The following EFHC2 variants were observed in gnomAD, a reference collection of about 807,000 sequenced individuals.
EFHC2 encodes EF-hand domain-containing family member C2.
Under a neutral mutation model 52.7 loss-of-function variants are expected in EFHC2, and 18 were observed. That is an observed-to-expected ratio of 0.34 (90% CI 0.24 to 0.51). EFHC2 has a LOEUF of 0.51. Among genes scored for constraint, EFHC2 ranks in the 20% least tolerant of loss-of-function variants. The pLI is 0.97. For missense variants in EFHC2, 513 were observed against 562.5 expected (o/e 0.91, Z 0.89); for synonymous variants, 203 against 204.1 (o/e 0.99, Z 0.04).
intron 1 of EFHC2, among the ~76,000 whole-genome samples, chrX:44,328,321 A>G (rs1402571616): frequency 3.6e-5 from 4 of 111,661 alleles, no homozygotes; most frequent in Non-Finnish European, 7.5e-5. Flanking sequence ...CTTGAAATGT[A>G]TATATGATCC....
At chrX:44,220,098 C>T (rs980516237) in intron 11 of EFHC2, among the ~76,000 whole-genome samples, 2 of 111,852 alleles carry the variant, frequency 1.8e-5, no homozygotes, top group Non-Finnish European at 3.8e-5. Context: ...CCACTAATAG[C>T]TTCGTGTGTA....
At chrX:44,286,867 C>T (rs1161986060) in intron 2 of EFHC2, among the ~76,000 whole-genome samples, 22 of 98,794 alleles carry the variant, frequency 2.2e-4, no homozygotes, top group Admixed American at 8.9e-4. Flanking sequence ...AAAATAAAAA[C>T]AACAAAACAA....
Position 44,336,954 on chromosome X carries a change from C to A in EFHC2, c.42+6593G>T, listed in dbSNP as rs1024882523. Among the ~76,000 whole-genome samples the A allele has an allele frequency of 2.7e-5, 3 of 111,651 alleles. No individual in the cohort carries two copies. The East Asian group carries it at 8.4e-4, about 31-fold the overall frequency. On this transcript the variant is annotated intron_variant, in intron 1 of 14. Coordinates refer to ENST00000420999, the MANE Select transcript of EFHC2 (RefSeq NM_025184.4). ...CAGTAAAAGAACCTAATTTTTAAGT[C>A]TTGTATAAAATTATATCTTAGGTTA...
intron 4 of EFHC2, 150 bp from the exon 5 acceptor site, chrX:44,250,595 C>T (rs1355924004): frequency 8.0e-6 from 5 of 623,193 alleles, no homozygotes; most frequent in South Asian, 6.3e-5. Context: ...GAGGCCAAGG[C>T]GGGAAGACTG....
At chrX:44,223,509 T>A (rs983504837) in intron 11 of EFHC2, among the ~76,000 whole-genome samples, 9 of 110,522 alleles carry the variant, frequency 8.1e-5, no homozygotes, top group East Asian at 2.8e-4. Context: ...AAATTCCTTT[T>A]TTTTTTGCTT....
In EFHC2 at chrX:44,176,351, C is replaced by A. The variant is rs765018227; in HGVS notation, c.1983G>T (p.Arg661Ser). 1.7e-6 allele frequency: 2 copies of A among 1,196,213 alleles called. No homozygotes were observed. Among genetic ancestry groups the A allele is most frequent in the Admixed American group, 2.3e-5 (1 of 43,612 alleles). The part of the protein sequence containing the change: ...KNVLPTKDIK[R>S]LCKSSRLPLS... ...AAGGTAATCTGGAGGATTTGCACAG[C>A]CTTTTAATGTCTTTGGTGGGTAATA... Residue 661 changes from arginine to serine, a missense_variant, in exon 13 of 15, where the codon AGG (arginine) becomes AGT (serine). Coordinates refer to ENST00000420999, the MANE Select transcript of EFHC2 (RefSeq NM_025184.4).
rs188954870 is a variant in EFHC2, at chrX:44,326,819, C to T, written c.43-14063G>A. Among the ~76,000 whole-genome samples the T allele has an allele frequency of 6.9e-4, 72 of 104,454 alleles. No homozygotes were observed. The Middle Eastern group carries it at 0.015, about 22-fold the overall frequency. The allele number at this position is 104,454 out of a possible 115,157, so 90.7% of individuals were successfully genotyped here. A position where few individuals can be genotyped will look rare whatever the true frequency, so the allele number is the denominator to read the frequency against. On this transcript the variant is annotated intron_variant, in intron 1 of 14. Transcript: ENST00000420999. The stretch of plus-strand genomic sequence containing the variant: ...TCATGGCTCACTGCAGCCTCAACCT[C>T]CTGGGCTCAAGCGATCCTCCCACCT...
intron 3 of EFHC2, among the ~76,000 whole-genome samples, chrX:44,261,857 A>C (rs1347173999): frequency 9.1e-6 from 1 of 109,473 alleles, no homozygotes; most frequent in African/African-American, 3.3e-5. Context: ...GCTGCTGTGA[A>C]GTTTCATGGA....
intron 4 of EFHC2, among the ~76,000 whole-genome samples, chrX:44,257,789 C>T (rs911630809): frequency 3.6e-5 from 4 of 111,889 alleles, no homozygotes; most frequent in Admixed American, 9.5e-5. Context: ...AACTACTTTA[C>T]ATTTTATATA....
intron 2 of EFHC2, among the ~76,000 whole-genome samples, chrX:44,292,223 CAG>C (rs1304049628): frequency 2.1e-4 from 23 of 110,960 alleles, no homozygotes; most frequent in African/African-American, 7.5e-4. Flanking sequence ...CACACACACA[CAG>C]AAACACATAT....
At chrX:44,196,862 G>C (rs755539643) in intron 11 of EFHC2, among the ~76,000 whole-genome samples, 6 of 112,478 alleles carry the variant, frequency 5.3e-5, no homozygotes, top group Non-Finnish European at 1.1e-4. Context: ...TGATGAACCT[G>C]AAGCATTAGA....
intron 2 of EFHC2, among the ~76,000 whole-genome samples, chrX:44,277,625 G>A (rs1272023436): frequency 9.0e-6 from 1 of 111,392 alleles, no homozygotes; most frequent in Non-Finnish European, 1.9e-5. Flanking sequence ...TACATTTTGT[G>A]TTGCATATAG....
At chrX:44,241,360 A>G (rs1321200660) in intron 8 of EFHC2, among the ~76,000 whole-genome samples, 3 of 112,293 alleles carry the variant, frequency 2.7e-5, no homozygotes, top group South Asian at 3.7e-4. Flanking sequence ...CTGAAAGTCC[A>G]TCATTTAAAA....
intron 11 of EFHC2, among the ~76,000 whole-genome samples, chrX:44,215,816 G>C (rs2037142604): frequency 8.9e-6 from 1 of 111,861 alleles, no homozygotes; most frequent in Non-Finnish European, 1.9e-5. Flanking sequence ...ATTCCCTACT[G>C]TTCTTGCAGA....
intron 2 of EFHC2, among the ~76,000 whole-genome samples, chrX:44,305,610 T>C (rs1031293438): frequency 4.4e-5 from 5 of 112,741 alleles, no homozygotes; most frequent in African/African-American, 1.6e-4. Flanking sequence ...TGCCTTACCC[T>C]AGTCTGGCCC....
intron 2 of EFHC2, among the ~76,000 whole-genome samples, chrX:44,288,383 G>T (rs1222719853): frequency 4.6e-5 from 5 of 109,582 alleles, no homozygotes; most frequent in Non-Finnish European, 7.6e-5. Context: ...AATTAAAGTA[G>T]CTTGTAGTGG....
At chrX:44,194,558 G>A (rs1353151185) in intron 11 of EFHC2, among the ~76,000 whole-genome samples, 1 of 112,136 alleles carries the variant, frequency 8.9e-6, no homozygotes, top group Non-Finnish European at 1.9e-5. Context: ...AGTAATGGAA[G>A]AAATCCATAT....
intron 1 of EFHC2, among the ~76,000 whole-genome samples, chrX:44,318,193 C>T (rs1005942129): frequency 8.9e-6 from 1 of 112,306 alleles, no homozygotes; most frequent in African/African-American, 3.2e-5. Flanking sequence ...GTTATTCTGC[C>T]GCCAAAGGGA....
intron 1 of EFHC2, among the ~76,000 whole-genome samples, chrX:44,323,146 C>T (rs1050560329): frequency 8.9e-6 from 1 of 112,444 alleles, no homozygotes; most frequent in Non-Finnish European, 1.9e-5. Flanking sequence ...GCTCCATGAA[C>T]ATACATAAAT....
Sources: allele counts gnomAD v4.1 joint callset (sites outside exome capture counted in the v4.1 genomes callset), GRCh38; gene constraint gnomAD v4.1.1; transcripts MANE v1.5; gene names NCBI Gene and HGNC (gene_info 2026-07-23, HGNC 2026-07-21).